Variants in NAV3 observed in about 807,000 individuals in gnomAD.
NAV3 encodes pore membrane and/or filament interacting like protein 1.
Under a neutral mutation model 244.7 loss-of-function variants are expected in NAV3, and 87 were observed. The observed-to-expected ratio is 0.36, with a 90% CI of 0.30 to 0.42. NAV3 has a LOEUF of 0.42. NAV3 is among the 20% of genes least tolerant of loss of function. The pLI, the probability that NAV3 is intolerant of heterozygous loss-of-function variation, is 1.00. For missense variants in NAV3, 2,663 were observed against 2,893.3 expected, an observed-to-expected ratio of 0.92 and a Z score of 1.83; for synonymous variants, 1,126 against 1,042.2, an observed-to-expected ratio of 1.08 and a Z score of -1.55.
chr12:77,905,476 T>G (rs1354854802), intron 1 of NAV3, among the ~76,000 whole-genome samples: 2 of 152,138 alleles, frequency 1.3e-5, no homozygotes, highest in Non-Finnish European at 2.9e-5. Context: ...ATAGGACTGT[T>G]GAGAATCCAG....
intron 3 of NAV3, among the ~76,000 whole-genome samples, chr12:77,949,762 A>G (rs1041250982): frequency 6.6e-6 from 1 of 152,056 alleles, no homozygotes; most frequent in Non-Finnish European, 1.5e-5. Context: ...CATTAGACAA[A>G]TATATAATGA....
rs924926727 is a variant in NAV3, at chr12:78,102,643, G to T, written c.2637-14129G>T. ...CTAGCAGAGATTCTTCATGAGGGCC[G>T]TGCCCCTGCAGAAAACTCTTTCCTG... On this transcript the variant is annotated intron_variant, in intron 12 of 39. Coordinates refer to ENST00000397909, the MANE Select transcript of NAV3 (RefSeq NM_001024383.2). Among the ~76,000 whole-genome samples, 5 of 152,188 alleles carry T rather than the reference G, an allele frequency of 3.3e-5. No homozygotes were observed. The East Asian group carries it at 9.6e-4, about 29-fold the overall frequency.
intron 3 of NAV3, among the ~76,000 whole-genome samples, chr12:77,943,989 A>G (rs1286275703): frequency 2.0e-5 from 3 of 152,236 alleles, no homozygotes; most frequent in African/African-American, 7.2e-5. Context: ...TGTAATCAAT[A>G]TTTACTAAGC....
intron 2 of NAV3, among the ~76,000 whole-genome samples, chr12:77,577,494 T>C (rs1443062866): frequency 6.6e-6 from 1 of 152,192 alleles, no homozygotes; most frequent in Non-Finnish European, 1.5e-5. Context: ...ATGGGACATA[T>C]GCATACTTTA....
chr12:77,711,072 A>G (rs1876088371), intron 2 of NAV3, among the ~76,000 whole-genome samples: 1 of 152,248 alleles, frequency 6.6e-6, no homozygotes, highest in Non-Finnish European at 1.5e-5. Context: ...AAATGACGCA[A>G]CCGGAAATTA....
chr12:77,847,179 A>G (rs1469667574), intron 1 of NAV3, among the ~76,000 whole-genome samples: 1 of 152,202 alleles, frequency 6.6e-6, no homozygotes, highest in Non-Finnish European at 1.5e-5. Flanking sequence ...GGCCATTGAC[A>G]GAATGTGTGG....
chr12:77,833,820 C>A (rs541938535), intron 1 of NAV3, among the ~76,000 whole-genome samples: 1 of 152,252 alleles, frequency 6.6e-6, no homozygotes, highest in East Asian at 1.9e-4. Context: ...AGGTGATTTT[C>A]CTCTGGAGTT....
At chr12:77,788,145 CA>C (rs1870992998) in intron 2 of NAV3, among the ~76,000 whole-genome samples, 1 of 152,140 alleles carries the variant, frequency 6.6e-6, no homozygotes, top group South Asian at 2.1e-4. Context: ...AAATCATCGT[CA>C]TGGAATTGTA....
At chr12:77,680,546 G>A (rs1283102582) in intron 2 of NAV3, among the ~76,000 whole-genome samples, 2 of 152,092 alleles carry the variant, frequency 1.3e-5, no homozygotes, top group African/African-American at 4.8e-5. Context: ...TCACACTTAA[G>A]CCCAGTCGCC....
upstream of NAV3, among the ~76,000 whole-genome samples, chr12:77,826,305 C>G (rs940545353): frequency 2.6e-5 from 4 of 152,048 alleles, no homozygotes; most frequent in African/African-American, 9.7e-5. Context: ...GTCAGGAGTT[C>G]GAGACCAGCC....
chr12:77,798,163 A>AAAAC (rs3078748), intron 2 of NAV3, among the ~76,000 whole-genome samples: 62,602 of 149,752 alleles, frequency 0.42, 13,481 homozygotes, highest in African/African-American at 0.53. Context: ...CCGTGTCTCA[A>AAAAC]AAACAAACAA....
At chr12:78,168,719 G>T (rs765877321) in intron 23 of NAV3, 36 bp from the exon 24 acceptor site, 41 of 1,362,314 alleles carry the variant, frequency 3.0e-5, no homozygotes, top group Non-Finnish European at 3.9e-5. Context: ...TTTTTCTTTC[G>T]GGTACTAAAG....
intron 34 of NAV3, among the ~76,000 whole-genome samples, chr12:78,190,869 C>T (rs976059158): frequency 1.3e-5 from 2 of 152,056 alleles, no homozygotes; most frequent in Non-Finnish European, 2.9e-5. Context: ...TTCTTATTTT[C>T]TGAGTAAAAC....
chr12:77,680,681 A>G (rs771170088), intron 2 of NAV3, among the ~76,000 whole-genome samples: 13 of 152,124 alleles, frequency 8.5e-5, no homozygotes, highest in Non-Finnish European at 1.8e-4. Flanking sequence ...TGTGCCCTTT[A>G]TTGATTTTCA....
intron 27 of NAV3, 64 bp downstream of exon 27, chr12:78,177,377 A>C: frequency 6.5e-7 from 1 of 1,533,514 alleles, no homozygotes; most frequent in Non-Finnish European, 8.9e-7. Context: ...TGAAGGCCTT[A>C]TTTATGTTCT....
intron 30 of NAV3, among the ~76,000 whole-genome samples, chr12:78,183,865 C>T (rs1958599723): frequency 6.6e-6 from 1 of 151,838 alleles, no homozygotes. Context: ...CCTCACCCTC[C>T]CCTTGTCTCT....
chr12:77,825,733 A>G (rs1377366592), intron 2 of NAV3, among the ~76,000 whole-genome samples: 1 of 152,152 alleles, frequency 6.6e-6, no homozygotes, highest in Non-Finnish European at 1.5e-5. Flanking sequence ...ATGGAGAATC[A>G]TCTTCTAACA....
At chr12:78,182,334 C>T (rs1278352223) in intron 30 of NAV3, among the ~76,000 whole-genome samples, 1 of 151,884 alleles carries the variant, frequency 6.6e-6, no homozygotes, top group East Asian at 1.9e-4. Flanking sequence ...GCTGATGGAC[C>T]TGACAGAGAA....
upstream of NAV3, among the ~76,000 whole-genome samples, chr12:77,826,157 C>G (rs1872990116): frequency 6.6e-6 from 1 of 152,024 alleles, no homozygotes; most frequent in African/African-American, 2.4e-5. Flanking sequence ...CTCAGAGATA[C>G]CCTTTGAGTT....
Sources: allele counts gnomAD v4.1 joint callset (sites outside exome capture counted in the v4.1 genomes callset), GRCh38; gene constraint gnomAD v4.1.1; transcripts MANE v1.5; gene names NCBI Gene and HGNC (gene_info 2026-07-23, HGNC 2026-07-21).